The following NCAM1 variants were observed in gnomAD, a reference collection of about 807,000 sequenced individuals.
NCAM1 encodes the protein neural cell adhesion molecule 1.
A neutral mutation model predicts 109.8 loss-of-function variants in NCAM1; 14 were observed. The ratio of observed to expected loss-of-function variants is 0.13; its 90% CI spans 0.08 to 0.20. NCAM1 has a LOEUF of 0.20. Ranked by LOEUF, NCAM1 falls within the 10% of genes least tolerant of loss-of-function variation. NCAM1 has a pLI of 1.00. For synonymous variants in NCAM1, 418 were observed against 442.9 expected, an observed-to-expected ratio of 0.94 and a Z score of 0.70; for missense variants, 774 against 1,109.9, an observed-to-expected ratio of 0.70 and a Z score of 4.30.
At chr11:113,068,794 G>A (rs370303913) in intron 1 of NCAM1, among the ~76,000 whole-genome samples, 73 of 152,144 alleles carry the variant, frequency 4.8e-4, no homozygotes, top group South Asian at 2.1e-3. Flanking sequence ...CTAGAGGTGC[G>A]GTTTAGTCTA....
chr11:113,053,154 G>A (rs182057895), intron 1 of NCAM1, among the ~76,000 whole-genome samples: 6 of 152,218 alleles, frequency 3.9e-5, no homozygotes, highest in East Asian at 1.9e-4. Context: ...GAGAACATGC[G>A]GTGTTTGGTT....
intron 1 of NCAM1, among the ~76,000 whole-genome samples, chr11:113,099,538 A>T (rs1340381440): frequency 6.6e-6 from 1 of 152,224 alleles, no homozygotes; most frequent in Non-Finnish European, 1.5e-5. Flanking sequence ...CGTTAACAAC[A>T]AACAAACCAG....
chr11:113,099,651 T>A (rs1453663468), intron 1 of NCAM1, among the ~76,000 whole-genome samples: 1 of 152,198 alleles, frequency 6.6e-6, no homozygotes, highest in South Asian at 2.1e-4. Flanking sequence ...AGGCTGCTTT[T>A]GCGAAGCTTG....
chr11:113,083,948 G>A (rs1345538221), intron 1 of NCAM1, among the ~76,000 whole-genome samples: 1 of 152,152 alleles, frequency 6.6e-6, no homozygotes, highest in Non-Finnish European at 1.5e-5. Context: ...TAGGAATTAG[G>A]CATTTTAATA....
Position 113,086,258 on chromosome 11 carries a change from C to T in NCAM1, c.53-116121C>T, listed in dbSNP as rs188391060. Among the ~76,000 whole-genome samples the T allele has an allele frequency of 4.6e-5, 7 of 152,312 alleles. No individual in the cohort carries two copies. In the East Asian group the frequency reaches 1.2e-3, roughly 25 times the overall value. ...GCAGGCTATGCAGGGCTCCTGGCCC[C>T]AGGGAGTCTAGCAGATCTCATGAAT... On this transcript the variant is annotated intron_variant, in intron 1 of 19. Transcript: ENST00000316851.
chr11:113,188,786 G>T (rs1555109318), intron 1 of NCAM1, among the ~76,000 whole-genome samples: 2 of 152,070 alleles, frequency 1.3e-5, no homozygotes, highest in African/African-American at 4.8e-5. Context: ...GGAATTCACT[G>T]TCCAGGGAGA....
At chr11:113,024,227 G>C (rs1952475376) in intron 1 of NCAM1, among the ~76,000 whole-genome samples, 1 of 152,166 alleles carries the variant, frequency 6.6e-6, no homozygotes, top group South Asian at 2.1e-4. Flanking sequence ...ATCTCAGGAA[G>C]GTCTGCGGTG....
At chr11:113,242,507 G>T (rs1207101033) in intron 14 of NCAM1, among the ~76,000 whole-genome samples, 1 of 152,160 alleles carries the variant, frequency 6.6e-6, no homozygotes, top group Admixed American at 6.5e-5. Flanking sequence ...TTACTTGGGA[G>T]GCTGAGGCAG....
chr11:113,277,238 T>C lies in NCAM1; in HGVS notation c.*1851T>C. On this transcript the variant is annotated 3_prime_UTR_variant, in exon 20 of 20. Coordinates refer to ENST00000316851, the MANE Select transcript of NCAM1 (RefSeq NM_181351.5). The stretch of plus-strand genomic sequence containing the variant: ...ATTCTGTGGGCCACTCTCCCCAACG[T>C]TCTGACACTTCTGCAGTCTGATCAG... 1 of 398,302 alleles carries C rather than the reference T, an allele frequency of 2.5e-6. No homozygotes were observed. The highest frequency in any genetic ancestry group is 4.4e-6 in the Non-Finnish European group (1 of 225,744). The allele number at this position is 398,302 out of a possible 1,614,324, so 24.7% of individuals were successfully genotyped here. A position where few individuals can be genotyped will look rare whatever the true frequency, so the allele number is the denominator to read the frequency against.
rs150026270 is a variant in NCAM1, at chr11:113,270,473, G to A, written c.2339+78G>A. ...GGACCCAGCAGCTGCACCACCCTGC[G>A]CCATCAGCTGGTGCCTTTCCTTTCA... On this transcript the variant is annotated intron_variant, in intron 18 of 19. Transcript: ENST00000316851. 100 of 1,354,412 alleles carry A rather than the reference G, an allele frequency of 7.4e-5. No homozygotes were observed. In the African/African-American group the frequency reaches 9.5e-4, roughly 13 times the overall value. 83.9% of individuals were successfully genotyped at this position (1,354,412 alleles called of 1,614,324 possible). A position where few individuals can be genotyped will look rare whatever the true frequency, so the allele number is the denominator to read the frequency against.
At chr11:113,054,499 G>A (rs782052558) in intron 1 of NCAM1, among the ~76,000 whole-genome samples, 3 of 152,138 alleles carry the variant, frequency 2.0e-5, no homozygotes, top group Non-Finnish European at 2.9e-5. Flanking sequence ...TCATTGGGTA[G>A]TCCCTGAAAT....
At chr11:113,164,560 T>A (rs966111694) in intron 1 of NCAM1, among the ~76,000 whole-genome samples, 1 of 152,150 alleles carries the variant, frequency 6.6e-6, no homozygotes, top group African/African-American at 2.4e-5. Flanking sequence ...CTAGGATGGC[T>A]CACAGAACTC....
At chr11:113,134,757 C>T (rs782503479) in intron 1 of NCAM1, among the ~76,000 whole-genome samples, 1 of 152,198 alleles carries the variant, frequency 6.6e-6, no homozygotes, top group Non-Finnish European at 1.5e-5. Context: ...CTTTGTGGCA[C>T]ACGTTGTTGC....
intron 9 of NCAM1, among the ~76,000 whole-genome samples, chr11:113,227,667 G>A (rs903036340): frequency 2.0e-5 from 3 of 152,116 alleles, no homozygotes; most frequent in Admixed American, 6.5e-5. Context: ...GATGAACATC[G>A]ATGCAAAAAT....
intron 1 of NCAM1, among the ~76,000 whole-genome samples, chr11:113,162,028 G>A (rs1431365292): frequency 6.6e-6 from 1 of 152,288 alleles, no homozygotes; most frequent in African/African-American, 2.4e-5. Flanking sequence ...ATTCAAGGGT[G>A]TTATGCTAGG....
intron 1 of NCAM1, among the ~76,000 whole-genome samples, chr11:113,127,060 A>G (rs1591349606): frequency 1.3e-5 from 2 of 152,202 alleles, no homozygotes; most frequent in Non-Finnish European, 2.9e-5. Context: ...CAGAGAAGAT[A>G]GTGATGTTTG....
At chr11:113,195,862 T>C (rs1011389202) in intron 1 of NCAM1, among the ~76,000 whole-genome samples, 1 of 151,942 alleles carries the variant, frequency 6.6e-6, no homozygotes, top group African/African-American at 2.4e-5. Flanking sequence ...AGGCCCCTGT[T>C]ATCTCATTCT....
chr11:113,192,475 C>T (rs1379981844), intron 1 of NCAM1, among the ~76,000 whole-genome samples: 2 of 152,102 alleles, frequency 1.3e-5, no homozygotes, highest in Non-Finnish European at 2.9e-5. Context: ...AAAAGTGCCC[C>T]TGGGGTTGGT....
At chr11:113,065,536 T>C (rs536448011) in intron 1 of NCAM1, among the ~76,000 whole-genome samples, 18 of 152,182 alleles carry the variant, frequency 1.2e-4, no homozygotes, top group Admixed American at 3.9e-4. Context: ...CTTGAGATGA[T>C]GCAATGAAAA....
Sources: allele counts gnomAD v4.1 joint callset (sites outside exome capture counted in the v4.1 genomes callset), GRCh38; gene constraint gnomAD v4.1.1; transcripts MANE v1.5; gene names NCBI Gene and HGNC (gene_info 2026-07-23, HGNC 2026-07-21).